PIK3AP1: variants seen among roughly 807,000 people sequenced by gnomAD.
PIK3AP1 encodes phosphoinositide 3-kinase adapter protein 1.
PIK3AP1 carries 21 observed loss-of-function variants against 88.1 expected under a neutral mutation model. The observed-to-expected ratio is 0.24, with a 90% confidence interval of 0.17 to 0.34. PIK3AP1 has a LOEUF of 0.34. Among genes scored for constraint, PIK3AP1 ranks in the 10% least tolerant of loss-of-function variants. The probability of loss-of-function intolerance (pLI) is 1.00; values close to 1 mark genes in which losing one functional copy is unlikely to be tolerated. For synonymous variants in PIK3AP1, 398 were observed against 400.0 expected (o/e 1.00, Z 0.06); for missense variants, 828 against 1,035.7 (o/e 0.80, Z 2.75).
At chr10:96,662,522 G>C (rs1843702036) in intron 2 of PIK3AP1, among the ~76,000 whole-genome samples, 1 of 151,410 alleles carries the variant, frequency 6.6e-6, no homozygotes, top group Non-Finnish European at 1.5e-5. Flanking sequence ...AGAATTGCTT[G>C]AACCCAGGAG....
At chr10:96,603,701 CACACACACACCACAT>C in intron 15 of PIK3AP1, 15 of 250,092 alleles carry the variant, frequency 6.0e-5, no homozygotes, top group Non-Finnish European at 9.3e-5. Context: ...CACACACACA[CACACACACACCACAT>C]ATATATATAT....
At chr10:96,696,092 A>T (rs1377097763) in intron 2 of PIK3AP1, among the ~76,000 whole-genome samples, 1 of 152,206 alleles carries the variant, frequency 6.6e-6, no homozygotes, top group Non-Finnish European at 1.5e-5. Context: ...GACATTCAAA[A>T]TGGTCCCAAG....
intron 2 of PIK3AP1, among the ~76,000 whole-genome samples, chr10:96,704,756 T>A (rs988692378): frequency 2.0e-5 from 3 of 150,774 alleles, no homozygotes; most frequent in Non-Finnish European, 4.4e-5. Context: ...AAAAAAGAAA[T>A]GCAGGATCTT....
chr10:96,715,537 G>C (rs1844489939), intron 1 of PIK3AP1, among the ~76,000 whole-genome samples: 1 of 152,146 alleles, frequency 6.6e-6, no homozygotes, highest in African/African-American at 2.4e-5. Flanking sequence ...AGAACTCTCT[G>C]TACTATCTTT....
At chr10:96,706,868 T>A (rs1420168777) in intron 2 of PIK3AP1, among the ~76,000 whole-genome samples, 2 of 152,170 alleles carry the variant, frequency 1.3e-5, no homozygotes, top group Non-Finnish European at 2.9e-5. Context: ...ACCCAAGTCA[T>A]CCTAGCACCG....
chr10:96,649,548 C>T (rs74675507), intron 6 of PIK3AP1, among the ~76,000 whole-genome samples: 3,790 of 152,274 alleles, frequency 0.025, 165 homozygotes, highest in African/African-American at 0.086. Context: ...GCTATTGTTT[C>T]GTGCTGATTA....
At chr10:96,635,815 G>T (rs1044053936) in intron 8 of PIK3AP1, among the ~76,000 whole-genome samples, 1 of 152,164 alleles carries the variant, frequency 6.6e-6, no homozygotes, top group Non-Finnish European at 1.5e-5. Flanking sequence ...TGAGGCAGGA[G>T]AATTGCTTGA....
chr10:96,717,650 G>C (rs958850594), intron 1 of PIK3AP1, among the ~76,000 whole-genome samples: 3 of 152,210 alleles, frequency 2.0e-5, no homozygotes, highest in Non-Finnish European at 4.4e-5. Context: ...GCCTTGGAGA[G>C]AGGGGGCAAG....
intron 2 of PIK3AP1, among the ~76,000 whole-genome samples, chr10:96,704,211 G>A (rs2134286028): frequency 1.3e-5 from 2 of 152,204 alleles, no homozygotes; most frequent in Admixed American, 1.3e-4. Context: ...ACCAAATACT[G>A]GCCTAATTTT....
intron 2 of PIK3AP1, among the ~76,000 whole-genome samples, chr10:96,683,089 A>G (rs1473884250): frequency 6.6e-6 from 1 of 152,230 alleles, no homozygotes; most frequent in Non-Finnish European, 1.5e-5. Context: ...CCAAAACTTA[A>G]AAGGTGCCCT....
At chr10:96,636,080 G>C (rs138762195) in intron 8 of PIK3AP1, among the ~76,000 whole-genome samples, 1 of 151,962 alleles carries the variant, frequency 6.6e-6, no homozygotes, top group Admixed American at 6.6e-5. Context: ...TTAGCCAGGC[G>C]TGGTGGCGTG....
At chr10:96,645,935 T>C (rs990248347) in intron 7 of PIK3AP1, among the ~76,000 whole-genome samples, 2 of 152,200 alleles carry the variant, frequency 1.3e-5, no homozygotes, top group East Asian at 3.8e-4. Context: ...ACTCGTTAAA[T>C]GTCCACTGAC....
intron 2 of PIK3AP1, among the ~76,000 whole-genome samples, chr10:96,691,603 G>A (rs571276555): frequency 4.6e-5 from 7 of 152,166 alleles, no homozygotes; most frequent in Non-Finnish European, 5.9e-5. Flanking sequence ...CCAGCCCATC[G>A]GGATTGTTTT....
chr10:96,613,823 G>A (rs1483369205), intron 13 of PIK3AP1, among the ~76,000 whole-genome samples: 1 of 152,120 alleles, frequency 6.6e-6, no homozygotes, highest in African/African-American at 2.4e-5. Context: ...ACACTTTTAG[G>A]AATACTCCCA....
At chr10:96,711,386 C>G (rs1291659652) in intron 1 of PIK3AP1, among the ~76,000 whole-genome samples, 4 of 152,236 alleles carry the variant, frequency 2.6e-5, no homozygotes. Flanking sequence ...CATCATCTCT[C>G]CATGAATTCA....
At chr10:96,713,382 T>C (rs1459506886) in intron 1 of PIK3AP1, among the ~76,000 whole-genome samples, 2 of 151,196 alleles carry the variant, frequency 1.3e-5, no homozygotes, top group Non-Finnish European at 2.9e-5. Context: ...CAGGCACCTG[T>C]AGTCCCAGCT....
chr10:96,620,366 A>G lies in PIK3AP1; in HGVS notation c.1927T>C (p.Phe643Leu), dbSNP rs1462899865. 16 of 1,613,994 alleles carry G rather than the reference A, an allele frequency of 9.9e-6. No homozygotes were observed. The highest frequency in any genetic ancestry group is 1.4e-5 in the Non-Finnish European group (16 of 1,179,942). ...AAGCTAGTTACCTGCTGGAAACGAA[A>G]GGACTCCGATCGTTTCTTCTGGTTG... is the stretch of plus-strand genomic sequence containing the variant. ...QLNQKKRSES[F>L]RFQQENLKRL... The change falls in exon 12 of 17, where the codon TTT becomes CTT. Residue 643 changes from phenylalanine to leucine, a missense_variant. Coordinates refer to ENST00000339364, the MANE Select transcript of PIK3AP1 (RefSeq NM_152309.3).
chr10:96,681,847 G>A (rs1024820264), intron 2 of PIK3AP1, among the ~76,000 whole-genome samples: 1 of 152,150 alleles, frequency 6.6e-6, no homozygotes, highest in Non-Finnish European at 1.5e-5. Context: ...ATGCCTGTAT[G>A]CAATTACCCA....
chr10:96,651,671 C>CTA lies in PIK3AP1; in HGVS notation c.713-22_713-21dup, dbSNP rs1564970940. The CTA allele has an allele frequency of 6.2e-7, 1 of 1,610,658 alleles. No homozygotes were observed. On this transcript the variant is annotated intron_variant, in intron 4 of 16. Coordinates refer to ENST00000339364, the MANE Select transcript of PIK3AP1 (RefSeq NM_152309.3). ...AAAGGTCTGAACAGAAGAAAAGACACTATCAAAATTCCCAGGAAAAACAAG... is the reference window on the plus strand; with the variant it reads ...AAAGGTCTGAACAGAAGAAAAGACACTATATCAAAATTCCCAGGAAAAACAAG...
Sources: allele counts gnomAD v4.1 joint callset (sites outside exome capture counted in the v4.1 genomes callset), GRCh38; gene constraint gnomAD v4.1.1; transcripts MANE v1.5; gene names NCBI Gene and HGNC (gene_info 2026-07-23, HGNC 2026-07-21).